The following TG variants were observed in gnomAD, a reference collection of about 807,000 sequenced individuals.
The protein encoded by TG is thyroid hormones.
A neutral mutation model predicts 324.7 loss-of-function variants in TG; 270 were observed. The ratio of observed to expected loss-of-function variants is 0.83; its 90% CI spans 0.75 to 0.92. TG has a LOEUF of 0.92. Ranked by LOEUF, TG falls within the 40% of genes least tolerant of loss-of-function variation. The pLI is 0.00. For missense variants in TG, 3,591 were observed against 3,456.4 expected, an observed-to-expected ratio of 1.04 and a Z score of -0.98; for synonymous variants, 1,401 against 1,327.0, an observed-to-expected ratio of 1.06 and a Z score of -1.21.
At position 133,036,439 on chromosome 8, in the gene TG, C is replaced by T. The variant is rs561829697; in HGVS notation, c.7239+6416C>T. 3.9e-5 allele frequency among the ~76,000 whole-genome samples: 6 copies of T among 152,330 alleles called. 1 individual carries two copies. The highest frequency in any genetic ancestry group is 3.4e-3 in the Middle Eastern group (1 of 294). On this transcript the variant is annotated intron_variant, in intron 41 of 47. Transcript: ENST00000220616. ...CAAATAGCGCAGCTATCACAAGTAACGTGCAGAAAATCTAGGCAGGACGTT... is the reference window on the plus strand; with the variant it reads ...CAAATAGCGCAGCTATCACAAGTAATGTGCAGAAAATCTAGGCAGGACGTT...
chr8:132,966,342 C>T (rs1367193457), intron 29 of TG, among the ~76,000 whole-genome samples: 1 of 152,144 alleles, frequency 6.6e-6, no homozygotes, highest in Non-Finnish European at 1.5e-5. Context: ...CTTCCTGGGG[C>T]CTTCTGAACT....
In TG at chr8:132,873,179, C is replaced by T. The variant is rs780608636; in HGVS notation, c.596C>T (p.Thr199Ile). 1 of 1,614,160 alleles carries T rather than the reference C, an allele frequency of 6.2e-7. No homozygotes were observed. The highest frequency in any genetic ancestry group is 1.1e-5 in the South Asian group (1 of 91,080). Residue 199 changes from threonine to isoleucine, a missense_variant, in exon 5 of 48, where the codon ACC (threonine) becomes ATC (isoleucine). Physicochemically the swap from Thr to Ile is moderately conservative, Grantham distance 89. Coordinates refer to ENST00000220616, the MANE Select transcript of TG (RefSeq NM_003235.5). ...FMPVQCKFVN[T>I]TDMMIFDLVH... ...CCTGTCCAGTGCAAATTTGTCAACACCACAGACATGATGATTTTTGATCTG... is the reference window on the plus strand; with the variant it reads ...CCTGTCCAGTGCAAATTTGTCAACATCACAGACATGATGATTTTTGATCTG...
At chr8:133,082,490 A>G (rs184033508) in intron 41 of TG, among the ~76,000 whole-genome samples, 3 of 152,208 alleles carry the variant, frequency 2.0e-5, no homozygotes, top group Non-Finnish European at 2.9e-5. Flanking sequence ...GAAGGAGCTC[A>G]CAGATGCCCA....
chr8:132,882,975 C>CT lies in TG; in HGVS notation c.1051_1052insT (p.Gln351LeufsTer10). ...GGGGAAGGAAATGCATGGAACCCGGCAGCAAGGGGAGCCGCCATCTTGTGG... is the reference window on the plus strand; with the variant it reads ...GGGGAAGGAAATGCATGGAACCCGGCTAGCAAGGGGAGCCGCCATCTTGTGG... On this transcript the variant is annotated frameshift_variant, in exon 8 of 48. Coordinates refer to ENST00000220616, the MANE Select transcript of TG (RefSeq NM_003235.5). LOFTEE classifies it high-confidence loss of function. 6.2e-7 allele frequency: 1 copy of CT among 1,614,000 alleles called. No homozygotes were observed. The highest frequency in any genetic ancestry group is 8.5e-7 in the Non-Finnish European group (1 of 1,179,954).
At chr8:132,880,473 A>G (rs549535985) in intron 5 of TG, among the ~76,000 whole-genome samples, 1 of 152,302 alleles carries the variant, frequency 6.6e-6, no homozygotes, top group Admixed American at 6.5e-5. Flanking sequence ...CTACCTCCCT[A>G]TTAGTGGCAA....
At chr8:132,904,971 A>G (rs913585001) in intron 16 of TG, among the ~76,000 whole-genome samples, 1 of 152,118 alleles carries the variant, frequency 6.6e-6, no homozygotes, top group Non-Finnish European at 1.5e-5. Flanking sequence ...CTATCTGACC[A>G]CAGAAGAGGC....
chr8:132,879,134 C>T (rs982577592), intron 5 of TG, among the ~76,000 whole-genome samples: 16 of 152,170 alleles, frequency 1.1e-4, no homozygotes, highest in Admixed American at 1.0e-3. Context: ...GAGAAGGAGT[C>T]CAAAATGCAT....
At chr8:132,999,963 T>C (rs1034176586) in intron 35 of TG, among the ~76,000 whole-genome samples, 11 of 152,172 alleles carry the variant, frequency 7.2e-5, no homozygotes, top group African/African-American at 1.4e-4. Flanking sequence ...AGCATTTCTT[T>C]CCAGGAAGAT....
intron 25 of TG, among the ~76,000 whole-genome samples, chr8:132,938,144 C>T (rs1823880810): frequency 6.6e-6 from 1 of 152,174 alleles, no homozygotes; most frequent in African/African-American, 2.4e-5. Context: ...CCGAGGAGGA[C>T]AGGACACAGT....
chr8:132,973,789 G>A (rs1024431078), intron 34 of TG, among the ~76,000 whole-genome samples: 1 of 152,154 alleles, frequency 6.6e-6, no homozygotes, highest in Non-Finnish European at 1.5e-5. Context: ...TGTTCAACTA[G>A]GAGGAGTCAA....
At position 133,001,654 on chromosome 8, in the gene TG, G is replaced by A. The variant is rs531492883; in HGVS notation, c.6263-10247G>A. ...AGAAAGCAGGATGTCTCAATGCAAT[G>A]TTGTCTCCGTCCGATGACGACAGGG... On this transcript the variant is annotated intron_variant, in intron 35 of 47. Transcript: ENST00000220616. 34 of 707,016 alleles carry A rather than the reference G, an allele frequency of 4.8e-5. No homozygotes were observed. The African/African-American group carries it at 6.0e-4, about 12-fold the overall frequency. The allele number at this position is 707,016 out of a possible 1,614,324, so 43.8% of individuals were successfully genotyped here.
chr8:132,991,693 A>G (rs1832353675), intron 35 of TG, among the ~76,000 whole-genome samples: 1 of 152,046 alleles, frequency 6.6e-6, no homozygotes, highest in Admixed American at 6.5e-5. Flanking sequence ...GAGAGTGCCA[A>G]ATGAATCATG....
At chr8:133,123,405 C>T (rs1235298903) in intron 45 of TG, among the ~76,000 whole-genome samples, 1 of 152,202 alleles carries the variant, frequency 6.6e-6, no homozygotes. Flanking sequence ...GGGCTCTGGC[C>T]TGCTGTCTCT....
chr8:132,958,907 G>A (rs1827351980), intron 27 of TG, among the ~76,000 whole-genome samples: 1 of 152,102 alleles, frequency 6.6e-6, no homozygotes, highest in Non-Finnish European at 1.5e-5. Flanking sequence ...TCTGCAGTGT[G>A]GAGGACAAGG....
chr8:132,952,260 A>G (rs2687842), intron 27 of TG, among the ~76,000 whole-genome samples: 121,059 of 152,124 alleles, frequency 0.8, 48,243 homozygotes, highest in Admixed American at 0.85. Flanking sequence ...TGCTGAGCAC[A>G]GCAGGCTAGC....
intron 40 of TG, among the ~76,000 whole-genome samples, chr8:133,029,242 AT>A (rs920487175): frequency 1.5e-4 from 15 of 99,216 alleles, no homozygotes; most frequent in African/African-American, 4.4e-4. Context: ...AAAAAAAAAA[AT>A]AGTGTTGAGT....
At chr8:132,943,833 C>T (rs926091195) in intron 26 of TG, among the ~76,000 whole-genome samples, 5 of 152,164 alleles carry the variant, frequency 3.3e-5, no homozygotes, top group African/African-American at 1.2e-4. Context: ...TTCCTGCTGT[C>T]CAGTTATTTC....
At position 132,929,123 on chromosome 8, in the gene TG, G is replaced by A. The variant is rs186309027; in HGVS notation, c.4747G>A (p.Ala1583Thr). ...KVPESKVIFD[A>T]NAPVAVRSKV... ...TCCAGAATCAAAGGTGATCTTCGAC[G>A]CCAATGCTCCTGTGGCTGTCAGATC... The change falls in exon 23 of 48, where the codon GCC becomes ACC. Residue 1583 changes from alanine (A) to threonine (T), a missense_variant. Transcript: ENST00000220616. 75 of 1,614,066 alleles carry A rather than the reference G, an allele frequency of 4.6e-5. No homozygotes were observed. Among genetic ancestry groups the A allele is most frequent in the Admixed American group, 3.8e-4 (23 of 60,016 alleles).
At chr8:133,075,477 T>C (rs1381985995) in intron 41 of TG, among the ~76,000 whole-genome samples, 1 of 152,218 alleles carries the variant, frequency 6.6e-6, no homozygotes, top group South Asian at 2.1e-4. Context: ...AAGAACATTA[T>C]GAGATGGCAG....
Sources: allele counts gnomAD v4.1 joint callset (sites outside exome capture counted in the v4.1 genomes callset), GRCh38; gene constraint gnomAD v4.1.1; transcripts MANE v1.5; gene names NCBI Gene and HGNC (gene_info 2026-07-23, HGNC 2026-07-21).